Variants in SLC4A7 observed in about 807,000 individuals in gnomAD.
The protein encoded by SLC4A7 is sodium bicarbonate cotransporter 3.
A neutral mutation model predicts 137.6 loss-of-function variants in SLC4A7; 51 were observed. That is an observed-to-expected ratio of 0.37 (90% CI 0.30 to 0.47). SLC4A7 has a LOEUF of 0.47. Ranked by LOEUF, SLC4A7 falls within the 20% of genes least tolerant of loss-of-function variation. The pLI, the probability that SLC4A7 is intolerant of heterozygous loss-of-function variation, is 1.00. For missense variants in SLC4A7, 1,247 were observed against 1,525.4 expected (o/e 0.82, Z 3.04); for synonymous variants, 542 against 518.6 (o/e 1.05, Z -0.61).
chr3:27,382,130 TTA>T (rs2050483904), intron 24 of SLC4A7, among the ~76,000 whole-genome samples: 1 of 152,024 alleles, frequency 6.6e-6, no homozygotes, highest in African/African-American at 2.4e-5. Context: ...ATTATTATCA[TTA>T]TTTTTGAGAC....
chr3:27,403,868 ATT>A (rs1241634000), intron 14 of SLC4A7, among the ~76,000 whole-genome samples: 2 of 152,180 alleles, frequency 1.3e-5, no homozygotes, highest in Admixed American at 1.3e-4. Flanking sequence ...ACAGAAAGTG[ATT>A]TCTTATTTTA....
chr3:27,422,789 T>C, intron 8 of SLC4A7: 1 of 456,010 alleles, frequency 2.2e-6, no homozygotes, highest in South Asian at 1.5e-5. Context: ...ACAGCGGGCC[T>C]CTTGAGTCCC....
In SLC4A7 at chr3:27,400,854, T is replaced by A; in HGVS notation, c.2337A>T (p.Glu779Asp). ...GAGTTTCATTGCTGGGGTTTGGAGG[T>A]TCAGTACATACACATCTGAGAAATT... ...KLTSYSCVCT[E>D]PPNPSNETLA... The change falls in exon 16 of 26, where the codon GAA becomes GAT. Residue 779 changes from glutamate to aspartate, a missense_variant. This residue lies in a region of SLC4A7 where 499 missense variants were observed against 664.2 expected (regional missense o/e 0.75). Transcript: ENST00000454389. 1.3e-6 allele frequency: 2 copies of A among 1,585,594 alleles called. No homozygotes were observed. Among genetic ancestry groups the A allele is most frequent in the Non-Finnish European group, 1.7e-6 (2 of 1,153,910 alleles).
chr3:27,464,597 G>A (rs2150655668), intron 1 of SLC4A7, among the ~76,000 whole-genome samples: 1 of 151,992 alleles, frequency 6.6e-6, no homozygotes, highest in Middle Eastern at 3.4e-3. Context: ...GGAGGGTGAG[G>A]CAGGAGAACT....
At chr3:27,421,325 A>G (rs866683857) in intron 9 of SLC4A7, among the ~76,000 whole-genome samples, 3 of 151,834 alleles carry the variant, frequency 2.0e-5, no homozygotes, top group Non-Finnish European at 4.4e-5. Flanking sequence ...GCAAAACACC[A>G]TATCTACTAC....
intron 22 of SLC4A7, among the ~76,000 whole-genome samples, chr3:27,387,612 TCAG>T (rs1202801419): frequency 6.6e-6 from 1 of 152,234 alleles, no homozygotes; most frequent in Non-Finnish European, 1.5e-5. Flanking sequence ...CAGTATTTGT[TCAG>T]GTCTTATTTG....
At chr3:27,449,494 G>T (rs1292381134) in intron 2 of SLC4A7, among the ~76,000 whole-genome samples, 1 of 150,984 alleles carries the variant, frequency 6.6e-6, no homozygotes, top group African/African-American at 2.4e-5. Flanking sequence ...AAATTACTGA[G>T]AGCTACATTA....
chr3:27,437,853 G>A (rs1223170663), intron 3 of SLC4A7, among the ~76,000 whole-genome samples: 1 of 152,142 alleles, frequency 6.6e-6, no homozygotes, highest in Non-Finnish European at 1.5e-5. Context: ...CTCAAAGGCA[G>A]CCCTTTTTCC....
At chr3:27,444,096 A>G (rs9861912) in intron 3 of SLC4A7, among the ~76,000 whole-genome samples, 140,845 of 152,266 alleles carry the variant, frequency 0.92, 65,269 homozygotes, top group East Asian at 1. Context: ...TGGTTGGGCA[A>G]TGTTATTCAG....
intron 11 of SLC4A7, among the ~76,000 whole-genome samples, chr3:27,416,633 A>G (rs2054411592): frequency 6.6e-6 from 1 of 152,198 alleles, no homozygotes; most frequent in Non-Finnish European, 1.5e-5. Flanking sequence ...ACTCCACATA[A>G]TTAGAACTGC....
intron 1 of SLC4A7, among the ~76,000 whole-genome samples, chr3:27,455,416 G>A (rs191061630): frequency 1.3e-5 from 2 of 152,164 alleles, no homozygotes; most frequent in Non-Finnish European, 2.9e-5. Context: ...GTAAAAAGCC[G>A]GGGAAAAGGC....
At chr3:27,380,467 AAT>A (rs1461675792) in intron 24 of SLC4A7, among the ~76,000 whole-genome samples, 3 of 152,202 alleles carry the variant, frequency 2.0e-5, no homozygotes, top group Admixed American at 6.5e-5. Flanking sequence ...CATCATAAGT[AAT>A]AGGAAAGTAT....
chr3:27,415,559 G>T (rs143770581), intron 11 of SLC4A7, among the ~76,000 whole-genome samples: 3 of 152,116 alleles, frequency 2.0e-5, no homozygotes, highest in Admixed American at 2.0e-4. Context: ...TTAAAAACCC[G>T]TTCAGGGGAT....
intron 11 of SLC4A7, among the ~76,000 whole-genome samples, chr3:27,417,461 C>T (rs1191932922): frequency 1.3e-5 from 2 of 152,084 alleles, no homozygotes; most frequent in Non-Finnish European, 2.9e-5. Context: ...CAAATTAAAA[C>T]CTCATTAAAA....
At chr3:27,459,450 C>G (rs2058577567) in intron 1 of SLC4A7, among the ~76,000 whole-genome samples, 1 of 151,896 alleles carries the variant, frequency 6.6e-6, no homozygotes, top group Non-Finnish European at 1.5e-5. Context: ...AAACTTTAAC[C>G]AATAGGCTTT....
intron 22 of SLC4A7, among the ~76,000 whole-genome samples, chr3:27,388,130 A>T (rs1379682494): frequency 6.6e-6 from 1 of 152,184 alleles, no homozygotes; most frequent in Non-Finnish European, 1.5e-5. Flanking sequence ...TTTAACTAAA[A>T]TCACTTGGGT....
intron 7 of SLC4A7, among the ~76,000 whole-genome samples, chr3:27,427,693 C>A (rs1450899407): frequency 6.6e-6 from 1 of 152,078 alleles, no homozygotes; most frequent in East Asian, 1.9e-4. Context: ...ATGCTTTAAG[C>A]ACCGAAAGTA....
intron 3 of SLC4A7, among the ~76,000 whole-genome samples, chr3:27,441,330 T>G (rs141461975): frequency 4.7e-3 from 710 of 152,328 alleles, no homozygotes; most frequent in African/African-American, 0.016. Context: ...CTGGATTCAT[T>G]AACAAAATTG....
At chr3:27,461,208 G>GCACGCA (rs1553716211) in intron 1 of SLC4A7, among the ~76,000 whole-genome samples, 10 of 149,880 alleles carry the variant, frequency 6.7e-5, no homozygotes, top group African/African-American at 2.5e-4. Context: ...CATCCAATTA[G>GCACGCA]CACACACACA....
Sources: gnomAD v4.1 joint callset for allele counts (sites outside exome capture counted in the v4.1 genomes callset) on GRCh38, gnomAD v4.1.1 for gene constraint, gnomAD v4.1.1 regional missense constraint, MANE v1.5 for transcripts, NCBI Gene and HGNC (gene_info 2026-07-23, HGNC 2026-07-21) for gene names.